Variants in PLA2G4D observed in about 807,000 individuals in gnomAD.
PLA2G4D encodes the protein phospholipase A2 group IVD.
PLA2G4D carries 80 observed loss-of-function variants against 94.4 expected under a neutral mutation model. That is an observed-to-expected ratio of 0.85 (90% CI 0.71 to 1.02). PLA2G4D has a LOEUF of 1.02. PLA2G4D is among the 50% of genes least tolerant of loss of function. The pLI is 0.00. For synonymous variants in PLA2G4D, 438 were observed against 440.9 expected (o/e 0.99, Z 0.08); for missense variants, 1,050 against 1,034.7 (o/e 1.01, Z -0.20).
At position 42,085,154 on chromosome 15, in the gene PLA2G4D, C is replaced by T; in HGVS notation, c.429-16G>A. 2.5e-6 allele frequency: 4 copies of T among 1,614,134 alleles called. No homozygotes were observed. Among genetic ancestry groups the T allele is most frequent in the Non-Finnish European group, 3.4e-6 (4 of 1,179,988 alleles). The stretch of plus-strand genomic sequence containing the variant: ...GCGATCTGACCTGGAAAAATCAAAC[C>T]ATGCAAAGGCAAACGCTTCCTGCAT... On this transcript the variant is annotated splice_polypyrimidine_tract_variant and intron_variant, in intron 5 of 19. Transcript: ENST00000290472.
intron 6 of PLA2G4D, 156 bp from the exon 7 acceptor site, chr15:42,083,935 T>C (rs1890092820): frequency 4.4e-6 from 3 of 684,654 alleles, no homozygotes; most frequent in Non-Finnish European, 7.5e-6. Context: ...TTCATCCCAT[T>C]GCCGATCCTC....
chr15:42,085,332 G>T (rs1321702764), intron 5 of PLA2G4D, among the ~76,000 whole-genome samples, 159 bp downstream of exon 5: 2 of 152,072 alleles, frequency 1.3e-5, no homozygotes, highest in African/African-American at 4.8e-5. Context: ...TCCTCTCTGT[G>T]TTTCCCTAAG....
chr15:42,071,760 G>A lies in PLA2G4D; in HGVS notation c.1573+14C>T. ...CCCAGGGCTGCCCAGGGCCTTCAGA[G>A]CCACCACCCTCACCTTCCAGAAAGC... On this transcript the variant is annotated intron_variant, in intron 15 of 19. Transcript: ENST00000290472. The A allele has an allele frequency of 6.2e-7, 1 of 1,613,418 alleles. No individual in the cohort carries two copies. Among genetic ancestry groups the A allele is most frequent in the Non-Finnish European group, 8.5e-7 (1 of 1,179,740 alleles).
At chr15:42,089,560 C>G (rs2141104188) in intron 1 of PLA2G4D, among the ~76,000 whole-genome samples, 1 of 152,298 alleles carries the variant, frequency 6.6e-6, no homozygotes, top group East Asian at 1.9e-4. Flanking sequence ...AACCTTAAGC[C>G]TTATAGAGGT....
intron 1 of PLA2G4D, among the ~76,000 whole-genome samples, chr15:42,092,799 A>G (rs1890266541): frequency 6.6e-6 from 1 of 152,202 alleles, no homozygotes; most frequent in Non-Finnish European, 1.5e-5. Flanking sequence ...CCCCGTGCCC[A>G]TCTTGGGAGA....
chr15:42,067,529 A>C lies in PLA2G4D; in HGVS notation c.*1186T>G, dbSNP rs1304105837. The C allele has an allele frequency of 7.1e-6, 1 of 140,014 alleles. No individual in the cohort carries two copies. The highest frequency in any genetic ancestry group is 1.5e-5 in the Non-Finnish European group (1 of 64,792). The allele number at this position is 140,014 out of a possible 1,614,324, so 8.7% of individuals were successfully genotyped here. A position where few individuals can be genotyped will look rare whatever the true frequency, so the allele number is the denominator to read the frequency against. ...AACTTGGCCTGGGTGACAGAGTGTG[A>C]TGAGATTCTGTCTCAAAAAAAAAAA... On this transcript the variant is annotated 3_prime_UTR_variant, in exon 20 of 20. Coordinates refer to ENST00000290472, the MANE Select transcript of PLA2G4D (RefSeq NM_178034.4).
intron 18 of PLA2G4D, 75 bp downstream of exon 18, chr15:42,070,642 C>T (rs772537481): frequency 4.1e-6 from 6 of 1,468,116 alleles, no homozygotes; most frequent in South Asian, 1.3e-5. Context: ...GGGGCAGGGG[C>T]TCAGTGGCCC....
At chr15:42,074,126 G>C (rs1889877014) in intron 13 of PLA2G4D, among the ~76,000 whole-genome samples, 2 of 152,142 alleles carry the variant, frequency 1.3e-5, no homozygotes, top group African/African-American at 4.8e-5. Flanking sequence ...TAGGGAAAAT[G>C]TGTCCTTTTA....
At chr15:42,077,665 C>T (rs1012249102) in intron 13 of PLA2G4D, among the ~76,000 whole-genome samples, 1 of 152,248 alleles carries the variant, frequency 6.6e-6, no homozygotes, top group African/African-American at 2.4e-5. Flanking sequence ...CACAAGGCTT[C>T]CAATCCATCC....
Position 42,075,063 on chromosome 15 carries a change from A to G in PLA2G4D, c.1318-2671T>C, listed in dbSNP as rs142618200. ...ATTAGCCTCCTCAGTAGCTGGGACTACAGGTGTGCACCACCATGCCCAGCT... is the reference window on the plus strand; with the variant it reads ...ATTAGCCTCCTCAGTAGCTGGGACTGCAGGTGTGCACCACCATGCCCAGCT... On this transcript the variant is annotated intron_variant, in intron 13 of 19. Transcript: ENST00000290472. Among the ~76,000 whole-genome samples, 1,115 of 152,312 alleles carry G rather than the reference A, an allele frequency of 7.3e-3. 2 individuals carry two copies. The highest frequency in any genetic ancestry group is 0.014 in the Middle Eastern group (4 of 294).
chr15:42,074,140 T>C (rs558005652), intron 13 of PLA2G4D, among the ~76,000 whole-genome samples: 27 of 152,326 alleles, frequency 1.8e-4, no homozygotes, highest in African/African-American at 6.0e-4. Flanking sequence ...CCTTTTACTA[T>C]AGTTGCACAA....
Position 42,083,724 on chromosome 15 carries a change from A to G in PLA2G4D, c.527T>C (p.Val176Ala). The G allele has an allele frequency of 1.2e-6, 2 of 1,614,056 alleles. No homozygotes were observed. Among genetic ancestry groups the G allele is most frequent in the Non-Finnish European group, 1.7e-6 (2 of 1,180,002 alleles). The part of the protein sequence containing the change: ...VHLDSTGSTA[V>A]VADQDKLELE... ...TTCTAAGCTGGTCTCACCTGCAACC[A>G]CAGCGGTGCTCCCTGTGCTGTCCAG... Residue 176 changes from valine (V) to alanine (A), a missense_variant, in exon 7 of 20, where the codon GTG becomes GCG. By Grantham distance (64) the Val-to-Ala change is moderately conservative (BLOSUM62 0). Coordinates refer to ENST00000290472, the MANE Select transcript of PLA2G4D (RefSeq NM_178034.4).
chr15:42,071,180 G>A lies in PLA2G4D; in HGVS notation c.1819C>T (p.Gln607Ter). The change falls in exon 17 of 20, where the codon CAG becomes TAG. Residue 607 changes from glutamine to a stop codon, truncating the protein, a stop_gained. Coordinates refer to ENST00000290472, the MANE Select transcript of PLA2G4D (RefSeq NM_178034.4). LOFTEE classifies it high-confidence loss of function. ...TAGTCCTGGTGCAGCTGGAGGCCCT[G>A]GAGGAAGTTGGGGCTGCGCTGGTGG... Reference protein sequence around the residue: ...PLHQRSPNFLQGLQLHQDYCS... With the variant: ...PLHQRSPNFL 1 of 1,613,656 alleles carries A rather than the reference G, an allele frequency of 6.2e-7. No individual in the cohort carries two copies. Among genetic ancestry groups the A allele is most frequent in the Non-Finnish European group, 8.5e-7 (1 of 1,179,828 alleles).
At chr15:42,081,758 C>G in intron 10 of PLA2G4D, 39 bp downstream of exon 10, 1 of 1,614,074 alleles carries the variant, frequency 6.2e-7, no homozygotes, top group Non-Finnish European at 8.5e-7. Flanking sequence ...TCCTGCATGC[C>G]CGCCTCTCAC....
In PLA2G4D at chr15:42,070,007, C is replaced by T. The variant is rs1327727844; in HGVS notation, c.2132G>A (p.Arg711Lys). 1.3e-6 allele frequency: 2 copies of T among 1,501,416 alleles called. No individual in the cohort carries two copies. The highest frequency in any genetic ancestry group is 1.8e-6 in the Non-Finnish European group (2 of 1,127,920). The allele number at this position is 1,501,416 out of a possible 1,614,324, so 93.0% of individuals were successfully genotyped here. ...EPSPQDQHQP[R>K]ECHLFSDPAC... ...GGGGTCTGAGAAGAGGTGGCATTCC[C>T]TTGGCTGGTGCTGGTCCTGAGGGCT... Residue 711 changes from arginine (R) to lysine (K), a missense_variant, in exon 19 of 20, where the codon AGG becomes AAG. By Grantham distance (26) the Arg-to-Lys change is conservative (BLOSUM62 2). Coordinates refer to ENST00000290472, the MANE Select transcript of PLA2G4D (RefSeq NM_178034.4).
In PLA2G4D at chr15:42,068,914, T is replaced by A; in HGVS notation, c.2258A>T (p.Gln753Leu). ...PGVQRSPAEL[Q>L]GGQVDLTGAT... ...CCCGGTGAGATCCACTTGGCCACCCTGGAGCTCTGCGGGGCTGCGCTGGAC... is the reference window on the plus strand; with the variant it reads ...CCCGGTGAGATCCACTTGGCCACCCAGGAGCTCTGCGGGGCTGCGCTGGAC... Residue 753 changes from glutamine to leucine, a missense_variant, in exon 20 of 20, where the codon CAG becomes CTG. Coordinates refer to ENST00000290472, the MANE Select transcript of PLA2G4D (RefSeq NM_178034.4). The A allele has an allele frequency of 6.2e-7, 1 of 1,612,382 alleles. No homozygotes were observed. Among genetic ancestry groups the A allele is most frequent in the South Asian group, 1.1e-5 (1 of 90,878 alleles).
rs1353288174 is a variant in PLA2G4D at position 42,068,742 on chromosome 15, C to T, written c.2430G>A (p.Glu810=). 2.5e-6 allele frequency: 4 copies of T among 1,610,096 alleles called. No individual in the cohort carries two copies. In the South Asian group the frequency reaches 3.3e-5, roughly 13 times the overall value. Residue 810 remains glutamate, a synonymous_variant, in exon 20 of 20, where the codon GAG becomes GAA. Transcript: ENST00000290472. ...AGGTCTGTGCCCTTGGAGGCCTCGC[C>T]TCTAGAGTCCGGTGCTTCAGCGCGG... ...LRTALKHRTL[E]ARPPRAQT
At position 42,067,322 on chromosome 15, in the gene PLA2G4D, G is replaced by GT. The variant is rs2141089739; in HGVS notation, c.*1392dup. The GT allele has an allele frequency of 6.6e-6, 1 of 152,396 alleles. No homozygotes were observed. The highest frequency in any genetic ancestry group is 1.9e-4 in the East Asian group (1 of 5,192). The allele number at this position is 152,396 out of a possible 1,614,324, so 9.4% of individuals were successfully genotyped here. A position where few individuals can be genotyped will look rare whatever the true frequency, so the allele number is the denominator to read the frequency against. ...AGGCTGAGGCAGGAGGATTGCTTGA[G>GT]TTCAGGAGTTCAAGACCAGCCTGGG... On this transcript the variant is annotated 3_prime_UTR_variant, in exon 20 of 20. Transcript: ENST00000290472.
At position 42,094,528 on chromosome 15, in the gene PLA2G4D, C is replaced by T. The variant is rs760649489; in HGVS notation, c.-69G>A. ...TGCTGGCTCTCTGGCTGAGTGGCAG[C>T]GACGGTCCCAGTGGGATAGGACCAG... On this transcript the variant is annotated 5_prime_UTR_variant, in exon 1 of 20. Transcript: ENST00000290472. 25 of 1,585,754 alleles carry T rather than the reference C, an allele frequency of 1.6e-5. No homozygotes were observed. The Middle Eastern group carries it at 6.6e-4, about 42-fold the overall frequency.
Sources: allele counts gnomAD v4.1 joint callset (sites outside exome capture counted in the v4.1 genomes callset), GRCh38; gene constraint gnomAD v4.1.1; transcripts MANE v1.5; gene names NCBI Gene and HGNC (gene_info 2026-07-23, HGNC 2026-07-21).